DPP6: variants seen among roughly 807,000 people sequenced by gnomAD.
DPP6 encodes dipeptidyl peptidase like 6, also known as A-type potassium channel modulatory protein DPP6.
A neutral mutation model predicts 122.6 loss-of-function variants in DPP6; 69 were observed. The observed-to-expected ratio is 0.56, with a 90% CI of 0.46 to 0.69. The LOEUF is 0.69. Among genes scored for constraint, DPP6 ranks in the 30% least tolerant of loss-of-function variants. The pLI, the probability that DPP6 is intolerant of heterozygous loss-of-function variation, is 0.00. For synonymous variants in DPP6, 418 were observed against 433.1 expected, an observed-to-expected ratio of 0.97 and a Z score of 0.43; for missense variants, 928 against 1,116.9, an observed-to-expected ratio of 0.83 and a Z score of 2.41.
Position 154,052,677 on chromosome 7 carries a change from T to C in DPP6, c.-144T>C. 3.3e-6 allele frequency: 4 copies of C among 1,221,458 alleles called. No individual in the cohort carries two copies. The highest frequency in any genetic ancestry group is 1.8e-5 in the South Asian group (1 of 55,858). The allele number at this position is 1,221,458 out of a possible 1,614,324, so 75.7% of individuals were successfully genotyped here. On this transcript the variant is annotated 5_prime_UTR_variant, in exon 1 of 26. Transcript: ENST00000377770. This position sits in a 1 kb window ranked among gnomAD's most constrained non-coding sequence, Gnocchi z 4.8. ...GCGCGGGAGGAGCGGCCGCCGGCGCTGGGCTTGCCTTGCTGCTGCTGCTGC... is the reference window on the plus strand; with the variant it reads ...GCGCGGGAGGAGCGGCCGCCGGCGCCGGGCTTGCCTTGCTGCTGCTGCTGC...
intron 1 of DPP6, among the ~76,000 whole-genome samples, chr7:153,971,522 T>C (rs1405793877): frequency 1.4e-5 from 2 of 141,508 alleles, no homozygotes; most frequent in Admixed American, 7.4e-5. Flanking sequence ...AGGGGAAAAG[T>C]GTTCAGTATT....
chr7:154,308,775 C>T (rs576418081), intron 1 of DPP6, among the ~76,000 whole-genome samples: 1 of 152,292 alleles, frequency 6.6e-6, no homozygotes, highest in Admixed American at 6.5e-5. Flanking sequence ...GTAGTACATA[C>T]TGTCTCCATT....
upstream of DPP6, among the ~76,000 whole-genome samples, chr7:153,883,045 A>G (rs1241583432): frequency 1.3e-5 from 2 of 152,224 alleles, no homozygotes; most frequent in African/African-American, 2.4e-5. Flanking sequence ...TGCAAAACCT[A>G]GACAGAGAAG....
chr7:154,069,560 A>T (rs979164010), intron 1 of DPP6, among the ~76,000 whole-genome samples: 1 of 151,896 alleles, frequency 6.6e-6, no homozygotes, highest in African/African-American at 2.4e-5. Flanking sequence ...TCAAAAATTT[A>T]AACCTGACTG....
intron 1 of DPP6, among the ~76,000 whole-genome samples, chr7:153,972,161 A>C (rs1235686305): frequency 3.3e-5 from 5 of 151,232 alleles, no homozygotes; most frequent in Non-Finnish European, 7.4e-5. Flanking sequence ...GATTTCATGA[A>C]GGAAGCGTGC....
intron 16 of DPP6, among the ~76,000 whole-genome samples, chr7:154,839,138 A>C (rs1374467117): frequency 6.6e-6 from 1 of 152,226 alleles, no homozygotes; most frequent in Non-Finnish European, 1.5e-5. Context: ...AGACACACCT[A>C]CTGAAGGGTT....
the DPP6 span, among the ~76,000 whole-genome samples, chr7:153,790,528 C>T: frequency 2.0e-5 from 3 of 152,134 alleles, no homozygotes. Context: ...TAAGAGAAGA[C>T]TTCATAAGGT....
intron 1 of DPP6, among the ~76,000 whole-genome samples, chr7:153,896,933 T>G (rs1329699641): frequency 6.6e-6 from 1 of 152,212 alleles, no homozygotes; most frequent in Non-Finnish European, 1.5e-5. Context: ...TTGAGCAAAC[T>G]TTTTATAAGA....
rs572454247 is a variant in DPP6 at position 154,632,088 on chromosome 7, C to A, written c.628-5733C>A. 3.3e-5 allele frequency among the ~76,000 whole-genome samples: 5 copies of A among 152,278 alleles called. No homozygotes were observed. In the South Asian group the frequency reaches 1.0e-3, roughly 32 times the overall value. On this transcript the variant is annotated intron_variant, in intron 5 of 25. Coordinates refer to ENST00000377770, the MANE Select transcript of DPP6 (RefSeq NM_130797.4). Reference sequence around the variant, plus strand: ...AGTGAGGGACAGAAACAGCTGGATTCGTTACAGCTCAGCATTCACCTTATT... The same window carrying A: ...AGTGAGGGACAGAAACAGCTGGATTAGTTACAGCTCAGCATTCACCTTATT...
intron 1 of DPP6, among the ~76,000 whole-genome samples, chr7:154,313,684 G>GGTGTGTGTGA (rs146683070): frequency 4.0e-5 from 1 of 25,102 alleles, no homozygotes; most frequent in Non-Finnish European, 7.5e-5. Flanking sequence ...TTTAAGATAT[G>GGTGTGTGTGA]GTATATATAT....
chr7:154,658,953 G>A (rs747914787), intron 6 of DPP6, among the ~76,000 whole-genome samples: 4 of 152,208 alleles, frequency 2.6e-5, no homozygotes, highest in Admixed American at 2.0e-4. Context: ...GCTAGTCTGG[G>A]CAGAGAAGGA....
At chr7:153,749,017 C>G in the DPP6 span, among the ~76,000 whole-genome samples, 1 of 152,220 alleles carries the variant, frequency 6.6e-6, no homozygotes, top group South Asian at 2.1e-4. The surrounding 1 kb of genome is among the most constrained non-coding windows in gnomAD (Gnocchi z 4.1). Context: ...AGGTAAGGGA[C>G]CAGCGACGGA....
At chr7:153,984,079 CA>C in intron 1 of DPP6, among the ~76,000 whole-genome samples, 1 of 151,916 alleles carries the variant, frequency 6.6e-6, no homozygotes, top group South Asian at 2.1e-4. Context: ...CACACACACA[CA>C]CACACACACA....
intron 1 of DPP6, among the ~76,000 whole-genome samples, chr7:153,908,332 A>G (rs181994333): frequency 8.7e-4 from 133 of 152,304 alleles, no homozygotes; most frequent in African/African-American, 3.0e-3. Flanking sequence ...TCAAAAAAGT[A>G]TAGTTATGGT....
chr7:154,066,632 G>T (rs1188194039), intron 1 of DPP6, among the ~76,000 whole-genome samples: 1 of 151,848 alleles, frequency 6.6e-6, no homozygotes, highest in East Asian at 1.9e-4. Context: ...AGAGACAAGA[G>T]TAGGAGCGAA....
Position 154,506,186 on chromosome 7 carries a change from T to C in DPP6, c.457+31149T>C, listed in dbSNP as rs184042857. 2.3e-3 allele frequency among the ~76,000 whole-genome samples: 349 copies of C among 152,072 alleles called. 4 individuals are homozygous for C. The highest frequency in any genetic ancestry group is 0.02 in the Admixed American group (304 of 15,276). ...TTTTTGGAGATCTTAACTCTGCTAT[T>C]TGGATGTAGCTCCTTTTTTTGTAGG... is the stretch of plus-strand genomic sequence containing the variant. On this transcript the variant is annotated intron_variant, in intron 3 of 25. Transcript: ENST00000377770.
intron 2 of DPP6, among the ~76,000 whole-genome samples, chr7:154,451,681 A>G (rs907845946): frequency 2.6e-5 from 4 of 152,246 alleles, no homozygotes; most frequent in African/African-American, 9.6e-5. Context: ...GCTGACGGCC[A>G]GTTGTCAGGG....
At chr7:154,386,272 C>T (rs944562860) in intron 1 of DPP6, among the ~76,000 whole-genome samples, 1 of 152,082 alleles carries the variant, frequency 6.6e-6, no homozygotes, top group Non-Finnish European at 1.5e-5. Flanking sequence ...CCAGGAGCAC[C>T]ATCTAGGCAT....
At chr7:153,860,856 G>A in the DPP6 span, among the ~76,000 whole-genome samples, 110 of 152,108 alleles carry the variant, frequency 7.2e-4, no homozygotes, top group African/African-American at 2.5e-3. Flanking sequence ...TTTAACCTTT[G>A]TCATAGAGAC....
Sources: gnomAD v4.1 joint callset for allele counts (sites outside exome capture counted in the v4.1 genomes callset) on GRCh38, gnomAD v4.1.1 for gene constraint, Gnocchi (gnomAD v3.1) non-coding constraint, MANE v1.5 for transcripts, NCBI Gene and HGNC (gene_info 2026-07-23, HGNC 2026-07-21) for gene names.